The following ORC5 variants were observed in gnomAD, a reference collection of about 807,000 sequenced individuals.
ORC5 encodes the protein protein phosphatase 1, regulatory subunit 117.
Under a neutral mutation model 58.8 loss-of-function variants are expected in ORC5, and 39 were observed. That is an observed-to-expected ratio of 0.66 (90% confidence interval 0.51 to 0.87). The LOEUF (loss-of-function observed/expected upper bound fraction) is 0.87, where lower values mean the gene tolerates loss of function less well. ORC5 is among the 40% of genes least tolerant of loss of function. The pLI is 0.00. For synonymous variants in ORC5, 218 were observed against 177.6 expected (o/e 1.23, Z -1.81); for missense variants, 493 against 506.3 (o/e 0.97, Z 0.25).
chr7:104,206,173 A>T (rs1800077890), intron 1 of ORC5, among the ~76,000 whole-genome samples: 2 of 152,172 alleles, frequency 1.3e-5, no homozygotes, highest in Non-Finnish European at 2.9e-5. Context: ...CACCTTCATA[A>T]ATCTCGCTAA....
At chr7:104,134,401 C>G (rs1170080115) in intron 13 of ORC5, among the ~76,000 whole-genome samples, 1 of 106,166 alleles carries the variant, frequency 9.4e-6, no homozygotes, top group African/African-American at 3.9e-5. Context: ...GGCGACAGAG[C>G]AAGACACTCC....
intron 8 of ORC5, among the ~76,000 whole-genome samples, chr7:104,179,604 G>A (rs1799393979): frequency 9.1e-6 from 1 of 109,556 alleles, no homozygotes; most frequent in African/African-American, 2.9e-5. Context: ...TTTGAATTCT[G>A]AAATCTGCTT....
At chr7:104,159,219 T>C (rs1380898123) in intron 12 of ORC5, among the ~76,000 whole-genome samples, 14 of 148,392 alleles carry the variant, frequency 9.4e-5, no homozygotes, top group African/African-American at 3.6e-4. Flanking sequence ...CAGTAAACTA[T>C]CACAAGGACA....
intron 2 of ORC5, 86 bp from the exon 3 acceptor site, chr7:104,201,044 T>C: frequency 8.4e-7 from 1 of 1,188,912 alleles, no homozygotes; most frequent in Non-Finnish European, 1.2e-6. Flanking sequence ...CCATTTGCCT[T>C]TCTAAATCTA....
At chr7:104,171,484 A>G (rs1799209928) in intron 8 of ORC5, among the ~76,000 whole-genome samples, 1 of 152,172 alleles carries the variant, frequency 6.6e-6, no homozygotes, top group South Asian at 2.1e-4. Flanking sequence ...TATGAAAAGG[A>G]GGGATTAGCT....
At chr7:104,190,627 T>C (rs1046746939) in intron 5 of ORC5, among the ~76,000 whole-genome samples, 1 of 152,132 alleles carries the variant, frequency 6.6e-6, no homozygotes, top group Non-Finnish European at 1.5e-5. Flanking sequence ...CCAGTCATAA[T>C]ACAGGAATCA....
chr7:104,146,013 GACC>G (rs1798747601), intron 12 of ORC5, among the ~76,000 whole-genome samples: 1 of 152,206 alleles, frequency 6.6e-6, no homozygotes, highest in Non-Finnish European at 1.5e-5. Context: ...ACTAGCAGAT[GACC>G]TTCAAAGAAG....
Position 104,204,186 on chromosome 7 carries a change from T to C in ORC5, c.121A>G (p.Ser41Gly), listed in dbSNP as rs565090474. The C allele has an allele frequency of 2.5e-6, 4 of 1,601,666 alleles. No individual in the cohort carries two copies. The South Asian group carries it at 4.6e-5, about 18-fold the overall frequency. ...GTTTGTGTTACATAGGTCTTTCCACTAGCAGTATGTCCATAAATAAAAATG... is the reference window on the plus strand; with the variant it reads ...GTTTGTGTTACATAGGTCTTTCCACCAGCAGTATGTCCATAAATAAAAATG... ...PSIFIYGHTA[S>G]GKTYVTQTLL... The change falls in exon 2 of 14, where the codon AGT (serine) becomes GGT (glycine). Residue 41 changes from serine to glycine, a missense_variant. This residue lies in a region of ORC5 where 412 missense variants were observed against 403.7 expected (regional missense o/e 1.02). Coordinates refer to ENST00000297431, the MANE Select transcript of ORC5 (RefSeq NM_002553.4).
chr7:104,195,535 C>T (rs11767680), intron 4 of ORC5, among the ~76,000 whole-genome samples: 22,334 of 152,164 alleles, frequency 0.15, 1,869 homozygotes, highest in South Asian at 0.22. Flanking sequence ...GTAGCTGAGG[C>T]ATGTGCCACC....
At position 104,195,204 on chromosome 7, in the gene ORC5, C is replaced by T; in HGVS notation, c.492G>A (p.Lys164=). The change falls in exon 5 of 14, where the codon AAG becomes AAA. Residue 164 remains lysine (K), a synonymous_variant. Coordinates refer to ENST00000297431, the MANE Select transcript of ORC5 (RefSeq NM_002553.4). ...VLFLSEIVWE[K]FRPNTGCFEP... is the part of the protein sequence containing the mutation. The stretch of plus-strand genomic sequence containing the variant: ...CAAAGCATCCAGTATTTGGACGAAA[C>T]TTTTCCCAAACAATTTCACTGAGAA... The T allele has an allele frequency of 6.4e-7, 1 of 1,574,180 alleles. No individual in the cohort carries two copies. The highest frequency in any genetic ancestry group is 8.6e-7 in the Non-Finnish European group (1 of 1,165,690).
Position 104,168,521 on chromosome 7 carries a change from G to T in ORC5, c.829C>A (p.Gln277Lys). The T allele has an allele frequency of 6.5e-7, 1 of 1,548,716 alleles. No individual in the cohort carries two copies. The highest frequency in any genetic ancestry group is 2.3e-5 in the East Asian group (1 of 43,526). ...TCATCTTTCTGTAGCTTTTCCCACTGGGAACTGAAAAAAAATAGAAGAGCA... is the reference window on the plus strand; with the variant it reads ...TCATCTTTCTGTAGCTTTTCCCACTTGGAACTGAAAAAAAATAGAAGAGCA... Reference protein sequence around the residue: ...TVYLREISSSQWEKLQKDDTD... With the variant: ...TVYLREISSSKWEKLQKDDTD... Residue 277 changes from glutamine to lysine, a missense_variant, in exon 9 of 14, where the codon CAG becomes AAG. Gln to Lys is a moderately conservative substitution (Grantham distance 53). Coordinates refer to ENST00000297431, the MANE Select transcript of ORC5 (RefSeq NM_002553.4).
chr7:104,168,635 G>A (rs550375010), intron 8 of ORC5, 110 bp from the exon 9 acceptor site: 1 of 527,898 alleles, frequency 1.9e-6, no homozygotes, highest in Non-Finnish European at 3.2e-6. Flanking sequence ...TAACAAAACA[G>A]AAAAGAAAAA....
chr7:104,207,961 G>C lies in ORC5; in HGVS notation c.-57C>G. 4 of 1,527,012 alleles carry C rather than the reference G, an allele frequency of 2.6e-6. No individual in the cohort carries two copies. Among genetic ancestry groups the C allele is most frequent in the East Asian group, 2.3e-5 (1 of 44,308 alleles). 94.6% of individuals were successfully genotyped at this position (1,527,012 alleles called of 1,614,324 possible). A position where few individuals can be genotyped will look rare whatever the true frequency, so the allele number is the denominator to read the frequency against. On this transcript the variant is annotated 5_prime_UTR_variant, in exon 1 of 14. Coordinates refer to ENST00000297431, the MANE Select transcript of ORC5 (RefSeq NM_002553.4). ...GCCAGCCCACAGGACCCTTGCACAA[G>C]ACGGAGCCTCTCCCGAGTCTGGCGG...
At chr7:104,159,901 T>A (rs1798995915) in intron 12 of ORC5, among the ~76,000 whole-genome samples, 1 of 152,202 alleles carries the variant, frequency 6.6e-6, no homozygotes, top group Non-Finnish European at 1.5e-5. Flanking sequence ...AGAAAGCTAT[T>A]AATAAAAGGT....
chr7:104,152,409 G>T (rs865884856), intron 12 of ORC5, among the ~76,000 whole-genome samples: 1 of 152,136 alleles, frequency 6.6e-6, no homozygotes, highest in Non-Finnish European at 1.5e-5. Context: ...CTCTCAAAGC[G>T]CTGGGATTAC....
At position 104,207,832 on chromosome 7, in the gene ORC5, C is replaced by A. The variant is rs1450067432; in HGVS notation, c.72+1G>T. ...TCTGGAAGACAGTTTAACTACAATA[C>A]CTCTCCAAACAAGGACTGCAAGATG... On this transcript the variant is annotated splice_donor_variant, in intron 1 of 13. Coordinates refer to ENST00000297431, the MANE Select transcript of ORC5 (RefSeq NM_002553.4). LOFTEE classifies it high-confidence loss of function. The A allele has an allele frequency of 6.2e-7, 1 of 1,613,402 alleles. No homozygotes were observed. The highest frequency in any genetic ancestry group is 1.3e-5 in the African/African-American group (1 of 74,908).
At chr7:104,153,608 A>G (rs1389602686) in intron 12 of ORC5, among the ~76,000 whole-genome samples, 1 of 152,208 alleles carries the variant, frequency 6.6e-6, no homozygotes, top group Non-Finnish European at 1.5e-5. Context: ...AATATTACAG[A>G]AACACTGGAA....
intron 1 of ORC5, among the ~76,000 whole-genome samples, chr7:104,205,585 C>T (rs1800059479): frequency 6.6e-6 from 1 of 152,136 alleles, no homozygotes; most frequent in Non-Finnish European, 1.5e-5. Flanking sequence ...AAAAGACTTT[C>T]TAAATGGCAT....
intron 5 of ORC5, among the ~76,000 whole-genome samples, chr7:104,194,192 A>G (rs79727341): frequency 6.8e-4 from 103 of 151,638 alleles, no homozygotes; most frequent in African/African-American, 2.4e-3. Flanking sequence ...TAATGACAAT[A>G]AAGACTCCAT....
Sources: allele counts gnomAD v4.1 joint callset (sites outside exome capture counted in the v4.1 genomes callset), GRCh38; gene constraint gnomAD v4.1.1; regional missense constraint gnomAD v4.1.1; transcripts MANE v1.5; gene names NCBI Gene and HGNC (gene_info 2026-07-23, HGNC 2026-07-21).